ICA1L: variants seen among roughly 807,000 people sequenced by gnomAD.
ICA1L encodes islet cell autoantigen 1 like.
Under a neutral mutation model 61.3 loss-of-function variants are expected in ICA1L, and 50 were observed. The ratio of observed to expected loss-of-function variants is 0.82; its 90% confidence interval spans 0.65 to 1.03. The LOEUF (loss-of-function observed/expected upper bound fraction) is 1.03. Ranked by LOEUF, ICA1L falls within the 50% of genes least tolerant of loss-of-function variation. ICA1L has a pLI of 0.00. For synonymous variants in ICA1L, 161 were observed against 191.3 expected (o/e 0.84, Z 1.31); for missense variants, 508 against 556.7 (o/e 0.91, Z 0.88).
Position 202,810,164 on chromosome 2 carries a change from C to A in ICA1L, c.910+1582G>T, listed in dbSNP as rs1693334188. Among the ~76,000 whole-genome samples, 3 of 152,136 alleles carry A rather than the reference C, an allele frequency of 2.0e-5. No homozygotes were observed. In the South Asian group the frequency reaches 6.2e-4, roughly 31 times the overall value. On this transcript the variant is annotated intron_variant, in intron 9 of 12. Transcript: ENST00000358299. The stretch of plus-strand genomic sequence containing the variant: ...TGGCAGTAGACTTTTCAGTGGAAAC[C>A]TTATAGGCCAGGAGAAAGTGGGATG...
At chr2:202,799,089 G>T (rs1276868405) in intron 9 of ICA1L, among the ~76,000 whole-genome samples, 2 of 152,170 alleles carry the variant, frequency 1.3e-5, no homozygotes, top group East Asian at 3.8e-4. Flanking sequence ...AATCGTGCAA[G>T]TGCAGGTATC....
chr2:202,802,129 AAAC>A (rs1559132265), intron 9 of ICA1L, among the ~76,000 whole-genome samples: 1 of 152,196 alleles, frequency 6.6e-6, no homozygotes, highest in Non-Finnish European at 1.5e-5. Flanking sequence ...CAAATTAATA[AAAC>A]AACAAATAGA....
At chr2:202,809,585 G>A (rs534687667) in intron 9 of ICA1L, among the ~76,000 whole-genome samples, 7 of 152,016 alleles carry the variant, frequency 4.6e-5, no homozygotes, top group Non-Finnish European at 1.0e-4. Flanking sequence ...GGGAGGCGGA[G>A]GTTGCCATGA....
chr2:202,853,275 T>G (rs1694681659), intron 1 of ICA1L, among the ~76,000 whole-genome samples: 1 of 149,210 alleles, frequency 6.7e-6, no homozygotes, highest in Non-Finnish European at 1.5e-5. Context: ...GAGAACGGCG[T>G]GAACCCAGGA....
At chr2:202,840,484 G>A (rs1394620780) in intron 1 of ICA1L, 2 of 517,146 alleles carry the variant, frequency 3.9e-6, no homozygotes, top group Non-Finnish European at 7.6e-6. Flanking sequence ...AGCTGAGGCT[G>A]GGGCTTGTGA....
In ICA1L at chr2:202,774,876, A is replaced by G. The variant is rs1692174686; in HGVS notation, c.*4657T>C. 6.6e-6 allele frequency: 1 copy of G among 152,304 alleles called. No individual in the cohort carries two copies. The highest frequency in any genetic ancestry group is 1.5e-5 in the Non-Finnish European group (1 of 68,094). 9.4% of individuals were successfully genotyped at this position (152,304 alleles called of 1,614,324 possible). A position where few individuals can be genotyped will look rare whatever the true frequency, so the allele number is the denominator to read the frequency against. On this transcript the variant is annotated 3_prime_UTR_variant, in exon 13 of 13. Transcript: ENST00000358299. The stretch of plus-strand genomic sequence containing the variant: ...ACGTACACTACAAATGTAAAAACAT[A>G]CACTGCAAAATCTCACCCACAACAC...
At position 202,862,272 on chromosome 2, in the gene ICA1L, C is replaced by CCAAAAAAAAAAAAAA. The variant is rs1462555700; in HGVS notation, c.-8+9346_-8+9347insTTTTTTTTTTTTTTG. Among the ~76,000 whole-genome samples the CCAAAAAAAAAAAAAA allele has an allele frequency of 2.7e-4, 17 of 62,978 alleles. 7 individuals are homozygous for CCAAAAAAAAAAAAAA. The highest frequency in any genetic ancestry group is 4.1e-4 in the Non-Finnish European group (16 of 38,590). 41.3% of individuals were successfully genotyped at this position (62,978 alleles called of 152,430 possible). A position where few individuals can be genotyped will look rare whatever the true frequency, so the allele number is the denominator to read the frequency against. Reference sequence around the variant, plus strand: ...GCAACACAGTAAGACCTCATTTCTACAAAAAAAAAAAAAAAAAAAAAAAAA... The same window carrying CCAAAAAAAAAAAAAA: ...GCAACACAGTAAGACCTCATTTCTACCAAAAAAAAAAAAAAAAAAAAAAAAAAAAAAAAAAAAAAA... On this transcript the variant is annotated intron_variant, in intron 1 of 12. Transcript: ENST00000358299.
intron 5 of ICA1L, among the ~76,000 whole-genome samples, chr2:202,819,198 T>G (rs1478386229): frequency 6.6e-6 from 1 of 152,240 alleles, no homozygotes; most frequent in Non-Finnish European, 1.5e-5. Context: ...TATTTATGTA[T>G]AGTATAATTA....
intron 8 of ICA1L, among the ~76,000 whole-genome samples, chr2:202,814,068 T>A (rs1012449611): frequency 6.6e-6 from 1 of 152,022 alleles, no homozygotes; most frequent in Non-Finnish European, 1.5e-5. Flanking sequence ...ATGGAAAAAA[T>A]TCGTGTAGGA....
At chr2:202,805,383 GA>G (rs1693196529) in intron 9 of ICA1L, among the ~76,000 whole-genome samples, 1 of 152,086 alleles carries the variant, frequency 6.6e-6, no homozygotes, top group Non-Finnish European at 1.5e-5. Flanking sequence ...TGTTTTAAAA[GA>G]AAACTTGTAA....
In ICA1L at chr2:202,781,224, A is replaced by C. The variant is rs1316679509; in HGVS notation, c.1334-1576T>G. ...AATTCTATATAGAGAGAAAAAGCCC[A>C]AATTAAACATAATGTTCATAAAGTA... is the stretch of plus-strand genomic sequence containing the variant. On this transcript the variant is annotated intron_variant, in intron 12 of 12. Transcript: ENST00000358299. Among the ~76,000 whole-genome samples, 12 of 152,288 alleles carry C rather than the reference A, an allele frequency of 7.9e-5. No individual in the cohort carries two copies. In the Middle Eastern group the frequency reaches 0.01, roughly 129 times the overall value.
chr2:202,837,275 CGTT>C (rs1286132799), intron 1 of ICA1L, among the ~76,000 whole-genome samples: 7 of 151,496 alleles, frequency 4.6e-5, no homozygotes, highest in African/African-American at 1.2e-4. Flanking sequence ...ACCAATTTTC[CGTT>C]GTTGTTTTTT....
intron 1 of ICA1L, among the ~76,000 whole-genome samples, chr2:202,853,961 A>G (rs1168911299): frequency 6.6e-6 from 1 of 152,216 alleles, no homozygotes; most frequent in Non-Finnish European, 1.5e-5. Flanking sequence ...AAGACCAATG[A>G]TACTACGAAG....
intron 1 of ICA1L, among the ~76,000 whole-genome samples, chr2:202,867,158 C>T (rs1267335020): frequency 2.0e-5 from 3 of 152,014 alleles, no homozygotes; most frequent in Non-Finnish European, 4.4e-5. Flanking sequence ...TGAACAGACC[C>T]GTGTTCTGAA....
intron 1 of ICA1L, among the ~76,000 whole-genome samples, chr2:202,859,537 A>G (rs561873874): frequency 1.4e-3 from 215 of 152,344 alleles, no homozygotes; most frequent in African/African-American, 4.8e-3. Context: ...GCAAAATTCA[A>G]TTACATTAAA....
intron 1 of ICA1L, among the ~76,000 whole-genome samples, chr2:202,863,705 T>C (rs957290181): frequency 6.6e-6 from 1 of 151,310 alleles, no homozygotes; most frequent in Non-Finnish European, 1.5e-5. Flanking sequence ...TGGGCGCCTG[T>C]AGTCCCAGCT....
chr2:202,827,165 G>T (rs1019884858), intron 2 of ICA1L, among the ~76,000 whole-genome samples: 1 of 152,132 alleles, frequency 6.6e-6, no homozygotes, highest in African/African-American at 2.4e-5. Flanking sequence ...AGGCTGAGGC[G>T]GGTGGATCGC....
intron 1 of ICA1L, among the ~76,000 whole-genome samples, chr2:202,866,822 C>T (rs1333234389): frequency 1.3e-5 from 2 of 152,036 alleles, no homozygotes; most frequent in Admixed American, 6.6e-5. Context: ...TGGCAGGCTC[C>T]TGTAGTCCCA....
intron 1 of ICA1L, among the ~76,000 whole-genome samples, chr2:202,846,040 A>T (rs1694455051): frequency 6.6e-6 from 1 of 152,144 alleles, no homozygotes; most frequent in South Asian, 2.1e-4. Flanking sequence ...CAACTTTGGA[A>T]GGGGGGAACT....
Sources: allele counts gnomAD v4.1 joint callset (sites outside exome capture counted in the v4.1 genomes callset), GRCh38; gene constraint gnomAD v4.1.1; transcripts MANE v1.5; gene names NCBI Gene and HGNC (gene_info 2026-07-23, HGNC 2026-07-21).